The following SLTM variants were observed in gnomAD, a reference collection of about 807,000 sequenced individuals.
The protein encoded by SLTM is SAFB like transcription modulator, also known as SAFB-like transcription modulator.
In SLTM, 43 loss-of-function variants were observed where a neutral mutation model predicts 134.6. The ratio of observed to expected loss-of-function variants is 0.32; its 90% CI spans 0.25 to 0.41. The LOEUF (loss-of-function observed/expected upper bound fraction) is 0.41. Among genes scored for constraint, SLTM ranks in the 10% least tolerant of loss-of-function variants. SLTM has a pLI of 1.00. For missense variants in SLTM, 1,055 were observed against 1,288.8 expected (o/e 0.82, Z 2.78); for synonymous variants, 424 against 432.3 (o/e 0.98, Z 0.24).
At chr15:58,925,786 G>T (rs1472811534) in intron 2 of SLTM, among the ~76,000 whole-genome samples, 1 of 152,180 alleles carries the variant, frequency 6.6e-6, no homozygotes, top group Non-Finnish European at 1.5e-5. Flanking sequence ...CCTTCAGGCA[G>T]GTGTGCCTAC....
At chr15:58,931,273 T>A (rs1213665664) in intron 2 of SLTM, among the ~76,000 whole-genome samples, 1 of 152,156 alleles carries the variant, frequency 6.6e-6, no homozygotes, top group Non-Finnish European at 1.5e-5. Flanking sequence ...AGGGAATGCT[T>A]ATTAGCCCTT....
chr15:58,890,199 C>T lies in SLTM; in HGVS notation c.2079+82G>A, dbSNP rs185597639. 835 of 1,499,484 alleles carry T rather than the reference C, an allele frequency of 5.6e-4. 5 individuals are homozygous for T. In the Middle Eastern group the frequency reaches 0.01, roughly 19 times the overall value. 92.9% of individuals were successfully genotyped at this position (1,499,484 alleles called of 1,614,324 possible). A position where few individuals can be genotyped will look rare whatever the true frequency, so the allele number is the denominator to read the frequency against. ...AACTCATTCTATAGACGCTTTACAA[C>T]AAGTAAAGCAAGTTTTAGGGCTAAA... On this transcript the variant is annotated intron_variant, in intron 15 of 20. Transcript: ENST00000380516.
chr15:58,932,564 A>G (rs2037953092), intron 1 of SLTM, 121 bp from the exon 2 acceptor site: 1 of 636,252 alleles, frequency 1.6e-6, no homozygotes, highest in Non-Finnish European at 2.7e-6. Flanking sequence ...CAGTCATTTC[A>G]TCAACCGACT....
intron 3 of SLTM, among the ~76,000 whole-genome samples, chr15:58,915,462 T>C (rs576380282): frequency 3.9e-5 from 6 of 152,206 alleles, no homozygotes; most frequent in Admixed American, 6.5e-5. Context: ...TTACAGCTTA[T>C]GGATAATCTT....
At chr15:58,931,013 A>G (rs2037841072) in intron 2 of SLTM, among the ~76,000 whole-genome samples, 1 of 152,152 alleles carries the variant, frequency 6.6e-6, no homozygotes, top group Non-Finnish European at 1.5e-5. Flanking sequence ...AAACTAGCAC[A>G]GCATGCTAGG....
At chr15:58,893,743 A>G (rs1421997891) in intron 12 of SLTM, 78 bp downstream of exon 12, 5 of 1,457,214 alleles carry the variant, frequency 3.4e-6, no homozygotes, top group African/African-American at 1.4e-5. Context: ...CTGGATTAGA[A>G]TTTCAGGTTT....
At chr15:58,933,344 G>T (rs920330527) in intron 1 of SLTM, 60 bp downstream of exon 1, 1 of 1,492,786 alleles carries the variant, frequency 6.7e-7, no homozygotes, top group African/African-American at 1.4e-5. Context: ...CGGAAGCGGG[G>T]CGCCGAGGCG....
At chr15:58,894,282 A>T in intron 10 of SLTM, 89 bp from the exon 11 acceptor site, 1 of 1,406,312 alleles carries the variant, frequency 7.1e-7, no homozygotes, top group Non-Finnish European at 9.8e-7. Flanking sequence ...AAATTTGGAA[A>T]CGATAGGAAA....
At chr15:58,883,837 C>G (rs374718923) in intron 19 of SLTM, 51 bp from the exon 20 acceptor site, 1 of 1,593,904 alleles carries the variant, frequency 6.3e-7, no homozygotes, top group African/African-American at 1.3e-5. Flanking sequence ...GTGGCTCATA[C>G]CTATAATCTC....
chr15:58,897,748 T>C (rs1050878969), intron 8 of SLTM, among the ~76,000 whole-genome samples: 2 of 152,142 alleles, frequency 1.3e-5, no homozygotes, highest in Non-Finnish European at 2.9e-5. Flanking sequence ...ATGGGAATTA[T>C]ATGCAGCTGG....
At chr15:58,897,533 T>A (rs756713286) in intron 8 of SLTM, 1 of 199,720 alleles carries the variant, frequency 5.0e-6, no homozygotes. Flanking sequence ...CTGCACTGAA[T>A]AGAGACAACT....
chr15:58,904,080 G>A (rs1393803093), intron 5 of SLTM, among the ~76,000 whole-genome samples: 4 of 152,122 alleles, frequency 2.6e-5, no homozygotes, highest in African/African-American at 9.7e-5. Flanking sequence ...TCAGCTCACT[G>A]CAACCTCTGC....
intron 2 of SLTM, among the ~76,000 whole-genome samples, chr15:58,927,116 C>T (rs1473575535): frequency 6.6e-6 from 1 of 151,924 alleles, no homozygotes; most frequent in Admixed American, 6.6e-5. Context: ...TAAGGAGAAG[C>T]CATTATGCTC....
chr15:58,887,297 T>G lies in SLTM; in HGVS notation c.2619A>C (p.Ala873=). 6.2e-7 allele frequency: 1 copy of G among 1,614,176 alleles called. No homozygotes were observed. The highest frequency in any genetic ancestry group is 1.1e-5 in the South Asian group (1 of 91,078). The stretch of plus-strand genomic sequence containing the variant: ...TGGTGGGTCTGGAAGGATTGGGCCC[T>G]GCCTCTCGAGGATGTCTAGGATGAG... ...DITHPRHPRE[A]GPNPSRPTSW... is the part of the protein sequence containing the mutation. Residue 873 remains alanine, a synonymous_variant, in exon 18 of 21, where the codon GCA becomes GCC. Transcript: ENST00000380516.
At chr15:58,925,151 GA>G (rs2037370621) in intron 2 of SLTM, among the ~76,000 whole-genome samples, 1 of 150,756 alleles carries the variant, frequency 6.6e-6, no homozygotes, top group Admixed American at 6.6e-5. Flanking sequence ...ATGCCAAACT[GA>G]AATGTTTCCA....
chr15:58,901,974 A>G (rs2035516875), intron 5 of SLTM, among the ~76,000 whole-genome samples: 1 of 152,234 alleles, frequency 6.6e-6, no homozygotes, highest in Non-Finnish European at 1.5e-5. Context: ...ACAAGTAATT[A>G]AAACAAGTTA....
chr15:58,888,021 G>A (rs2034363403), intron 17 of SLTM, among the ~76,000 whole-genome samples: 1 of 152,164 alleles, frequency 6.6e-6, no homozygotes, highest in Non-Finnish European at 1.5e-5. Flanking sequence ...CATGGTGGTG[G>A]TGCATGTCTA....
chr15:58,890,071 G>A (rs2140973673), intron 15 of SLTM: 1 of 590,022 alleles, frequency 1.7e-6, no homozygotes, highest in East Asian at 2.8e-5. Flanking sequence ...TGCAGAGCTA[G>A]AATTATTACC....
chr15:58,892,870 C>T (rs200228852), intron 14 of SLTM, 27 bp downstream of exon 14: 3 of 1,590,284 alleles, frequency 1.9e-6, no homozygotes, highest in East Asian at 4.5e-5. Context: ...TATTTAAAGA[C>T]AGGTATAAAA....
Sources: allele counts gnomAD v4.1 joint callset (sites outside exome capture counted in the v4.1 genomes callset), GRCh38; gene constraint gnomAD v4.1.1; transcripts MANE v1.5; gene names NCBI Gene and HGNC (gene_info 2026-07-23, HGNC 2026-07-21).